The following MLIP variants were observed in gnomAD, a reference collection of about 807,000 sequenced individuals.
MLIP encodes muscular LMNA-interacting protein.
Under a neutral mutation model 84.8 loss-of-function variants are expected in MLIP, and 79 were observed. That is an observed-to-expected ratio of 0.93 (90% CI 0.78 to 1.12). The LOEUF is 1.12. Ranked by LOEUF, MLIP falls within the 50% of genes most tolerant of loss-of-function variation. The pLI is 0.00. For synonymous variants in MLIP, 504 were observed against 463.0 expected (o/e 1.09, Z -1.14); for missense variants, 1,257 against 1,160.6 (o/e 1.08, Z -1.21).
intron 1 of MLIP, among the ~76,000 whole-genome samples, chr6:54,104,287 A>G (rs1295878927): frequency 6.6e-6 from 1 of 152,178 alleles, no homozygotes; most frequent in African/African-American, 2.4e-5. Context: ...TGTTACCTCA[A>G]AAGATGCTGG....
At chr6:54,194,752 G>T (rs1778178417) in intron 10 of MLIP, among the ~76,000 whole-genome samples, 1 of 151,156 alleles carries the variant, frequency 6.6e-6, no homozygotes. Flanking sequence ...TAGTATGGCA[G>T]GAATTGTTAT....
chr6:54,246,283 A>C (rs1046755536), intron 12 of MLIP, among the ~76,000 whole-genome samples: 20 of 152,196 alleles, frequency 1.3e-4, no homozygotes, highest in African/African-American at 3.6e-4. Context: ...TTAGAAGTCC[A>C]ACACTGGAAA....
intron 13 of MLIP, 57 bp from the exon 14 acceptor site, chr6:54,265,893 T>A: frequency 1.3e-6 from 2 of 1,495,992 alleles, no homozygotes; most frequent in African/African-American, 1.4e-5. Flanking sequence ...AATTTTCAGG[T>A]GTATATTTTT....
At chr6:54,170,467 A>T (rs760101812) in intron 9 of MLIP, among the ~76,000 whole-genome samples, 12 of 151,592 alleles carry the variant, frequency 7.9e-5, no homozygotes, top group Admixed American at 2.0e-4. Flanking sequence ...TGTTTAGAGG[A>T]TGTGGGTAGG....
At chr6:54,028,906 A>G (rs1404750771) in intron 1 of MLIP, 1 of 152,168 alleles carries the variant, frequency 6.6e-6, no homozygotes, top group African/African-American at 2.4e-5. Context: ...GCTCATCTTC[A>G]TCTGGCTGTC....
At chr6:54,213,791 AG>A (rs1376718345) in intron 11 of MLIP, among the ~76,000 whole-genome samples, 2 of 71,610 alleles carry the variant, frequency 2.8e-5, no homozygotes, top group Non-Finnish European at 8.1e-5. Flanking sequence ...AACAAAAAAA[AG>A]TTTTTTTTTA....
At chr6:54,082,338 G>A (rs1582096828) in intron 1 of MLIP, among the ~76,000 whole-genome samples, 2 of 152,130 alleles carry the variant, frequency 1.3e-5, no homozygotes, top group East Asian at 3.9e-4. Flanking sequence ...GCTAGGTGCA[G>A]GAGTTTGGCC....
chr6:54,054,594 A>G (rs1162790997), intron 1 of MLIP, among the ~76,000 whole-genome samples: 12 of 152,322 alleles, frequency 7.9e-5, no homozygotes. Flanking sequence ...AAAGATATCA[A>G]AGCAATAATA....
At chr6:54,036,643 T>G (rs1344896822) in intron 1 of MLIP, among the ~76,000 whole-genome samples, 1 of 152,006 alleles carries the variant, frequency 6.6e-6, no homozygotes, top group East Asian at 1.9e-4. Context: ...GGTGGGAATA[T>G]GAATTGGTAC....
At chr6:54,126,973 C>T (rs947766593) in intron 3 of MLIP, among the ~76,000 whole-genome samples, 1 of 152,038 alleles carries the variant, frequency 6.6e-6, no homozygotes, top group African/African-American at 2.4e-5. Flanking sequence ...CTATCTACAT[C>T]TTTTACCTCT....
intron 10 of MLIP, among the ~76,000 whole-genome samples, chr6:54,196,410 C>T (rs937911894): frequency 1.3e-5 from 2 of 152,066 alleles, no homozygotes; most frequent in African/African-American, 4.8e-5. Context: ...TTGTTCGGCC[C>T]CCACTTATAG....
intron 11 of MLIP, among the ~76,000 whole-genome samples, chr6:54,223,327 A>C (rs929209944): frequency 1.4e-4 from 20 of 145,906 alleles, no homozygotes; most frequent in Non-Finnish European, 2.4e-4. Context: ...AAATACCCAC[A>C]ACAATGTCAA....
intron 1 of MLIP, among the ~76,000 whole-genome samples, chr6:54,031,149 G>C (rs1764109921): frequency 6.6e-6 from 1 of 151,956 alleles, no homozygotes; most frequent in Non-Finnish European, 1.5e-5. Context: ...CCCAAATAAA[G>C]GCAACAATAT....
At chr6:54,252,596 C>G (rs1782716122) in intron 12 of MLIP, among the ~76,000 whole-genome samples, 2 of 148,500 alleles carry the variant, frequency 1.3e-5, no homozygotes, top group Non-Finnish European at 1.5e-5. Flanking sequence ...TGATTATGTA[C>G]ATAATCATGA....
chr6:54,087,394 C>G (rs1189320218), intron 1 of MLIP, among the ~76,000 whole-genome samples: 1 of 152,006 alleles, frequency 6.6e-6, no homozygotes, highest in Non-Finnish European at 1.5e-5. Flanking sequence ...TCTGATGACT[C>G]AATGACTAAA....
At chr6:54,147,328 G>T (rs993370204) in intron 4 of MLIP, among the ~76,000 whole-genome samples, 1 of 152,102 alleles carries the variant, frequency 6.6e-6, no homozygotes, top group Non-Finnish European at 1.5e-5. Flanking sequence ...AATTAAATGA[G>T]TAATAGTAAT....
rs1765441702 is a variant in MLIP, at chr6:54,052,685, G to A, written c.63+33594G>A. Reference sequence around the variant, plus strand: ...ATGCTCTTCTTTCACTGTTTTTTTGGAGATAAATTATAAGGAAAAAATTAT... The same window carrying A: ...ATGCTCTTCTTTCACTGTTTTTTTGAAGATAAATTATAAGGAAAAAATTAT... On this transcript the variant is annotated intron_variant, in intron 1 of 12. Transcript: ENST00000274897. 2.0e-5 allele frequency among the ~76,000 whole-genome samples: 3 copies of A among 152,074 alleles called. No individual in the cohort carries two copies. In the South Asian group the frequency reaches 6.2e-4, roughly 32 times the overall value.
chr6:54,168,853 CTTT>C (rs3996971), intron 8 of MLIP, among the ~76,000 whole-genome samples: 1 of 118,806 alleles, frequency 8.4e-6, no homozygotes, highest in Non-Finnish European at 1.7e-5. Flanking sequence ...GGGTTGAGGT[CTTT>C]TTTTTTTTTT....
intron 10 of MLIP, among the ~76,000 whole-genome samples, chr6:54,197,619 A>T (rs2754804): frequency 2.0e-5 from 3 of 152,026 alleles, no homozygotes; most frequent in African/African-American, 4.8e-5. Flanking sequence ...GAGTCATTAC[A>T]TTTTTTATTT....
Sources: allele counts gnomAD v4.1 joint callset (sites outside exome capture counted in the v4.1 genomes callset), GRCh38; gene constraint gnomAD v4.1.1; transcripts MANE v1.5; gene names NCBI Gene and HGNC (gene_info 2026-07-23, HGNC 2026-07-21).